The following MICAL3 variants were observed in gnomAD, a reference collection of about 807,000 sequenced individuals.
MICAL3 encodes [F-actin]-monooxygenase MICAL3.
In MICAL3, 62 loss-of-function variants were observed where a neutral mutation model predicts 207.4. The ratio of observed to expected loss-of-function variants is 0.30; its 90% CI spans 0.24 to 0.37. The LOEUF (loss-of-function observed/expected upper bound fraction) is 0.37. MICAL3 is among the 10% of genes least tolerant of loss of function. MICAL3 has a pLI of 1.00. For synonymous variants in MICAL3, 1,077 were observed against 1,069.3 expected, an observed-to-expected ratio of 1.01 and a Z score of -0.14; for missense variants, 2,368 against 2,635.6, an observed-to-expected ratio of 0.90 and a Z score of 2.22.
intron 16 of MICAL3, among the ~76,000 whole-genome samples, chr22:17,874,804 C>T (rs1487814788): frequency 1.3e-5 from 2 of 152,190 alleles, no homozygotes; most frequent in Non-Finnish European, 2.9e-5. Context: ...TCCAATCTCT[C>T]TAGAAACTCC....
At chr22:17,832,454 G>C (rs1231439582) in intron 20 of MICAL3, among the ~76,000 whole-genome samples, 1 of 152,202 alleles carries the variant, frequency 6.6e-6, no homozygotes, top group African/African-American at 2.4e-5. Flanking sequence ...TGGGAGAGCA[G>C]CTCCTCACGG....
At chr22:17,899,417 GA>G (rs960019813) in intron 7 of MICAL3, 30 bp downstream of exon 7, 4 of 1,391,450 alleles carry the variant, frequency 2.9e-6, no homozygotes, top group Non-Finnish European at 4.0e-6. Context: ...ACTTCAATAA[GA>G]AAGAGTTTTG....
intron 1 of MICAL3, among the ~76,000 whole-genome samples, chr22:17,985,766 CAG>C (rs1489741677): frequency 6.6e-6 from 1 of 152,106 alleles, no homozygotes; most frequent in African/African-American, 2.4e-5. Flanking sequence ...ACTGGGAGAT[CAG>C]AGTCTGCAGA....
At chr22:17,819,836 G>C (rs146574123) in intron 25 of MICAL3, among the ~76,000 whole-genome samples, 3 of 151,486 alleles carry the variant, frequency 2.0e-5, no homozygotes, top group Non-Finnish European at 4.4e-5. Flanking sequence ...CCAGCTACTC[G>C]GGAGGCTGAG....
At chr22:17,932,103 A>G (rs10439895) in intron 1 of MICAL3, among the ~76,000 whole-genome samples, 1,728 of 152,316 alleles carry the variant, frequency 0.011, 34 homozygotes, top group African/African-American at 0.04. Context: ...GAGGCCCAAC[A>G]TTCAAATTCA....
chr22:17,933,934 A>T (rs1427640173), intron 1 of MICAL3, among the ~76,000 whole-genome samples: 7 of 152,210 alleles, frequency 4.6e-5, no homozygotes, highest in Non-Finnish European at 8.8e-5. Flanking sequence ...AAGAAGTTGA[A>T]TCTCTGAATA....
chr22:17,798,969 G>T (rs891891166), intron 29 of MICAL3, among the ~76,000 whole-genome samples: 2 of 151,816 alleles, frequency 1.3e-5, no homozygotes, highest in Non-Finnish European at 2.9e-5. Context: ...CACCGTGCCC[G>T]GCCAGAGCAA....
At chr22:17,938,033 G>T (rs1285714323) in intron 1 of MICAL3, among the ~76,000 whole-genome samples, 1 of 152,208 alleles carries the variant, frequency 6.6e-6, no homozygotes, top group Non-Finnish European at 1.5e-5. Context: ...GTGTCTTGCT[G>T]ATTATAGTAT....
chr22:17,968,762 G>C (rs1054041382), intron 1 of MICAL3, among the ~76,000 whole-genome samples: 10 of 152,162 alleles, frequency 6.6e-5, no homozygotes, highest in Non-Finnish European at 1.3e-4. Context: ...AGGATATATG[G>C]AAAGCATACT....
chr22:17,809,476 A>T (rs387641), intron 28 of MICAL3, among the ~76,000 whole-genome samples: 1 of 152,022 alleles, frequency 6.6e-6, no homozygotes, highest in Non-Finnish European at 1.5e-5. Flanking sequence ...TCTACTAAAA[A>T]TACAAAAATT....
chr22:17,903,136 G>T (rs192054379), intron 3 of MICAL3, among the ~76,000 whole-genome samples: 2 of 152,178 alleles, frequency 1.3e-5, no homozygotes, highest in African/African-American at 4.8e-5. Context: ...TGCAGCCCAC[G>T]GTCAGATGCA....
intron 29 of MICAL3, chr22:17,803,703 T>C (rs77518663): frequency 9.4e-5 from 40 of 427,326 alleles, no homozygotes; most frequent in African/African-American, 1.7e-4. Context: ...TTTTGCCATT[T>C]GGTTATTGGG....
At position 17,803,212 on chromosome 22, in the gene MICAL3, T is replaced by C. The variant is rs143236123; in HGVS notation, c.5650+5632A>G. ...GGCCTGGAGCTTTTCCTGTCTTCAC[T>C]GAAAAGAAGTACAAAGTGAGCCCCA... On this transcript the variant is annotated intron_variant, in intron 29 of 31. Transcript: ENST00000441493. Among the ~76,000 whole-genome samples, 3 of 152,206 alleles carry C rather than the reference T, an allele frequency of 2.0e-5. No homozygotes were observed. In the East Asian group the frequency reaches 5.8e-4, roughly 29 times the overall value.
chr22:17,935,637 C>G (rs1333539382), intron 1 of MICAL3, among the ~76,000 whole-genome samples: 4 of 152,172 alleles, frequency 2.6e-5, no homozygotes, highest in African/African-American at 4.8e-5. Context: ...TCAGAGTGAA[C>G]AGGCAACCTA....
At chr22:17,907,148 C>T (rs1457291549) in intron 1 of MICAL3, among the ~76,000 whole-genome samples, 1 of 152,000 alleles carries the variant, frequency 6.6e-6, no homozygotes, top group African/African-American at 2.4e-5. Context: ...GTACCAAGTG[C>T]CACTAGAGAG....
intron 1 of MICAL3, among the ~76,000 whole-genome samples, chr22:17,953,963 A>AAAAAAAAAAAAAAAAG (rs1934485790): frequency 1.5e-5 from 2 of 130,542 alleles, no homozygotes; most frequent in Non-Finnish European, 3.3e-5. Context: ...AAAAAAAAAA[A>AAAAAAAAAAAAAAAAG]AAAAGAAAAG....
At chr22:17,998,181 G>A (rs1313766509) in intron 1 of MICAL3, among the ~76,000 whole-genome samples, 1 of 152,182 alleles carries the variant, frequency 6.6e-6, no homozygotes, top group East Asian at 1.9e-4. Context: ...GCAGGTGCCT[G>A]TAGTCCCAGC....
intron 16 of MICAL3, among the ~76,000 whole-genome samples, chr22:17,877,528 TGAG>T (rs1928929395): frequency 5.2e-5 from 7 of 133,346 alleles, no homozygotes; most frequent in Admixed American, 1.5e-4. Flanking sequence ...GTTAGGGAGG[TGAG>T]GGAGGTTATG....
At chr22:17,883,634 G>A (rs1230831658) in intron 16 of MICAL3, among the ~76,000 whole-genome samples, 1 of 152,104 alleles carries the variant, frequency 6.6e-6, no homozygotes, top group Non-Finnish European at 1.5e-5. Context: ...TCCTCTGCTG[G>A]GTTTTCTCTT....
Sources: allele counts gnomAD v4.1 joint callset (sites outside exome capture counted in the v4.1 genomes callset), GRCh38; gene constraint gnomAD v4.1.1; transcripts MANE v1.5; gene names NCBI Gene and HGNC (gene_info 2026-07-23, HGNC 2026-07-21).